Variants in NRG3 observed in about 807,000 individuals in gnomAD.
The protein encoded by NRG3 is pro-neuregulin-3, membrane-bound isoform.
Under a neutral mutation model 66.9 loss-of-function variants are expected in NRG3, and 31 were observed. The observed-to-expected ratio is 0.46, with a 90% CI of 0.35 to 0.63. NRG3 has a LOEUF of 0.63. NRG3 is among the 20% of genes least tolerant of loss of function. NRG3 has a pLI of 0.00. For synonymous variants in NRG3, 393 were observed against 359.4 expected (o/e 1.09, Z -1.06); for missense variants, 910 against 878.9 (o/e 1.04, Z -0.45).
At chr10:82,432,228 G>T (rs908277200) in intron 2 of NRG3, among the ~76,000 whole-genome samples, 2 of 151,962 alleles carry the variant, frequency 1.3e-5, no homozygotes, top group Non-Finnish European at 2.9e-5. Flanking sequence ...TTATCAAATC[G>T]TGTATTTGTA....
chr10:82,416,817 C>T (rs554184434), intron 2 of NRG3, among the ~76,000 whole-genome samples: 2 of 152,140 alleles, frequency 1.3e-5, no homozygotes, highest in Admixed American at 1.3e-4. Context: ...CTAAATTCAC[C>T]TCCAGACTCT....
At position 82,895,834 on chromosome 10, in the gene NRG3, G is replaced by A. The variant is rs1366743760; in HGVS notation, c.1054+30397G>A. 3.3e-5 allele frequency among the ~76,000 whole-genome samples: 5 copies of A among 152,182 alleles called. No individual in the cohort carries two copies. The South Asian group carries it at 8.3e-4, about 25-fold the overall frequency. ...ATTTTAATGTTGTAAAATAAAGTGAGTGACAGCTGGTTTGAGTCACCAGTC... is the reference window on the plus strand; with the variant it reads ...ATTTTAATGTTGTAAAATAAAGTGAATGACAGCTGGTTTGAGTCACCAGTC... On this transcript the variant is annotated intron_variant, in intron 4 of 8. Transcript: ENST00000372141.
chr10:81,921,804 AT>A (rs545210445), intron 1 of NRG3, among the ~76,000 whole-genome samples: 25 of 152,240 alleles, frequency 1.6e-4, no homozygotes, highest in Admixed American at 1.6e-3. Context: ...ATTTAGACTT[AT>A]TTGTTGGAAC....
intron 1 of NRG3, among the ~76,000 whole-genome samples, chr10:81,971,956 C>G (rs1262045911): frequency 1.3e-5 from 2 of 152,164 alleles, no homozygotes; most frequent in African/African-American, 4.8e-5. Flanking sequence ...GAGGAAATTA[C>G]TAGGTTTTGG....
chr10:82,312,349 A>G (rs1328683604), intron 1 of NRG3, among the ~76,000 whole-genome samples: 2 of 152,180 alleles, frequency 1.3e-5, no homozygotes, highest in Non-Finnish European at 2.9e-5. Flanking sequence ...ATAACTTGAG[A>G]AAGTGTCCAA....
rs114323412 is a variant in NRG3, at chr10:82,176,798, A to T, written c.824-181941A>T. Among the ~76,000 whole-genome samples the T allele has an allele frequency of 4.2e-3, 637 of 151,708 alleles. 6 individuals are homozygous for T. The Middle Eastern group carries it at 0.044, about 11-fold the overall frequency. On this transcript the variant is annotated intron_variant, in intron 1 of 8. Coordinates refer to ENST00000372141, the MANE Select transcript of NRG3 (RefSeq NM_001010848.4). The stretch of plus-strand genomic sequence containing the variant: ...GCTGGTGGCACTGCTACTGACCTGG[A>T]TTTGTTTTCCTTAGCTCAAATGACA...
At chr10:81,992,966 C>T (rs1337061260) in intron 1 of NRG3, among the ~76,000 whole-genome samples, 1 of 152,146 alleles carries the variant, frequency 6.6e-6, no homozygotes, top group Non-Finnish European at 1.5e-5. Flanking sequence ...CTATACTTCC[C>T]TAAATTACTT....
intron 2 of NRG3, among the ~76,000 whole-genome samples, chr10:82,636,053 A>G (rs901077343): frequency 6.6e-6 from 1 of 152,190 alleles, no homozygotes; most frequent in Non-Finnish European, 1.5e-5. Flanking sequence ...ATGTAGTAAT[A>G]TTAATCCATA....
intron 1 of NRG3, among the ~76,000 whole-genome samples, chr10:81,922,909 T>A (rs1038413435): frequency 3.9e-5 from 6 of 152,190 alleles, no homozygotes; most frequent in African/African-American, 1.4e-4. Flanking sequence ...ATTATAAAAC[T>A]CTGAGTATAT....
intron 2 of NRG3, among the ~76,000 whole-genome samples, chr10:82,493,991 T>C (rs1231014743): frequency 3.3e-5 from 5 of 152,052 alleles, no homozygotes; most frequent in Admixed American, 2.0e-4. Context: ...TGACAAAAAG[T>C]TCAACATCAC....
intron 3 of NRG3, among the ~76,000 whole-genome samples, chr10:82,756,820 G>C (rs930496668): frequency 4.2e-5 from 6 of 142,134 alleles, no homozygotes; most frequent in Non-Finnish European, 7.7e-5. Flanking sequence ...AAGCACTACT[G>C]TTTTTTTTTT....
intron 1 of NRG3, among the ~76,000 whole-genome samples, chr10:82,202,360 G>A (rs1018599415): frequency 6.6e-6 from 1 of 152,212 alleles, no homozygotes; most frequent in East Asian, 1.9e-4. Context: ...ATGGATTGAG[G>A]GGGTAAATGA....
chr10:82,055,429 A>ATT (rs34056818), intron 1 of NRG3, among the ~76,000 whole-genome samples: 35,914 of 148,578 alleles, frequency 0.24, 4,427 homozygotes, highest in Middle Eastern at 0.34. Context: ...GTGAACCAAG[A>ATT]TTGCACCACT....
At chr10:82,572,589 G>GTT (rs571623201) in intron 2 of NRG3, among the ~76,000 whole-genome samples, 3 of 148,530 alleles carry the variant, frequency 2.0e-5, no homozygotes, top group African/African-American at 7.4e-5. Context: ...CAATCAGGTG[G>GTT]TTTTTTTTGT....
At chr10:82,194,416 C>G (rs1025444205) in intron 1 of NRG3, among the ~76,000 whole-genome samples, 1 of 152,038 alleles carries the variant, frequency 6.6e-6, no homozygotes, top group African/African-American at 2.4e-5. Context: ...GCTTTGAGAA[C>G]AAAGTCCTTG....
intron 1 of NRG3, among the ~76,000 whole-genome samples, chr10:82,065,685 A>G (rs2064414532): frequency 6.6e-6 from 1 of 152,188 alleles, no homozygotes; most frequent in Non-Finnish European, 1.5e-5. Context: ...CTAGTTAGAA[A>G]ATAAAAAAGG....
chr10:82,785,360 T>TA (rs1401632353), intron 3 of NRG3, among the ~76,000 whole-genome samples: 7 of 149,648 alleles, frequency 4.7e-5, no homozygotes, highest in Middle Eastern at 3.4e-3. Flanking sequence ...ATAATAATAA[T>TA]AAAAAAATTA....
At chr10:82,382,290 T>C (rs545548808) in intron 2 of NRG3, among the ~76,000 whole-genome samples, 1 of 152,112 alleles carries the variant, frequency 6.6e-6, no homozygotes, top group South Asian at 2.1e-4. Context: ...ATGTAGTATT[T>C]CTGTGCATTT....
At chr10:82,950,768 T>C (rs1045781640) in intron 4 of NRG3, among the ~76,000 whole-genome samples, 2 of 152,190 alleles carry the variant, frequency 1.3e-5, no homozygotes, top group African/African-American at 4.8e-5. Flanking sequence ...ATTGTTTAGG[T>C]AGATACAGGT....
Sources: gnomAD v4.1 joint callset for allele counts (sites outside exome capture counted in the v4.1 genomes callset) on GRCh38, gnomAD v4.1.1 for gene constraint, MANE v1.5 for transcripts, NCBI Gene and HGNC (gene_info 2026-07-23, HGNC 2026-07-21) for gene names.